The following PIK3R6 variants were observed in gnomAD, a reference collection of about 807,000 sequenced individuals.
The protein encoded by PIK3R6 is phosphoinositide 3-kinase regulatory subunit 6.
In PIK3R6, 91 loss-of-function variants were observed where a neutral mutation model predicts 84.9. The ratio of observed to expected loss-of-function variants is 1.07; its 90% CI spans 0.90 to 1.28. PIK3R6 has a LOEUF of 1.28. Among genes scored for constraint, PIK3R6 ranks in the 50% most tolerant of loss-of-function variants. The pLI is 0.00. For synonymous variants in PIK3R6, 416 were observed against 411.4 expected (o/e 1.01, Z -0.13); for missense variants, 996 against 985.1 (o/e 1.01, Z -0.15).
intron 13 of PIK3R6, 59 bp downstream of exon 13, chr17:8,827,113 T>G (rs2087943907): frequency 6.3e-7 from 1 of 1,579,278 alleles, no homozygotes; most frequent in Admixed American, 1.7e-5. Context: ...CGTTCTCCCC[T>G]CTGCCCAGAC....
intron 1 of PIK3R6, among the ~76,000 whole-genome samples, chr17:8,861,368 C>T (rs979028639): frequency 2.0e-5 from 3 of 152,200 alleles, no homozygotes; most frequent in Admixed American, 1.3e-4. Context: ...CTCTGTACTT[C>T]TCCCTAGCAC....
chr17:8,843,423 C>T (rs1165344126), intron 2 of PIK3R6, among the ~76,000 whole-genome samples: 1 of 152,116 alleles, frequency 6.6e-6, no homozygotes, highest in African/African-American at 2.4e-5. Context: ...ATCAGAAGCA[C>T]AGCCAAGCCT....
In PIK3R6 at chr17:8,827,742, GGAGAGAGAGAGAGAGAGAGAGGA is replaced by G. The variant is rs1237461633; in HGVS notation, c.1392+347_1392+369del. Among the ~76,000 whole-genome samples, 744 of 90,904 alleles carry G rather than the reference GGAGAGAGAGAGAGAGAGAGAGGA, an allele frequency of 8.2e-3. 14 individuals are homozygous for G. Among genetic ancestry groups the G allele is most frequent in the Middle Eastern group, 0.014 (2 of 142 alleles). 59.6% of individuals were successfully genotyped at this position (90,904 alleles called of 152,430 possible). A position where few individuals can be genotyped will look rare whatever the true frequency, so the allele number is the denominator to read the frequency against. On this transcript the variant is annotated intron_variant, in intron 12 of 19. Coordinates refer to ENST00000619866, the MANE Select transcript of PIK3R6 (RefSeq NM_001010855.4). ...TGTGTATGAGAGAGGGGAGGGAAGG[GGAGAGAGAGAGAGAGAGAGAGGA>G]GAGAGAGAGAGAGAGAGAGAGAGAG...
At chr17:8,825,430 G>C (rs975641051) in intron 13 of PIK3R6, among the ~76,000 whole-genome samples, 1 of 152,114 alleles carries the variant, frequency 6.6e-6, no homozygotes, top group Non-Finnish European at 1.5e-5. Context: ...ATATCAAAAG[G>C]CTAATTTGTA....
chr17:8,814,367 G>GCGC (rs1044669576), intron 18 of PIK3R6, among the ~76,000 whole-genome samples: 1 of 151,756 alleles, frequency 6.6e-6, no homozygotes, highest in African/African-American at 2.4e-5. Context: ...TTACAGGCAT[G>GCGC]CACCACCATG....
intron 14 of PIK3R6, 22 bp from the exon 15 acceptor site, chr17:8,823,108 G>A (rs1301498238): frequency 6.6e-7 from 1 of 1,521,616 alleles, no homozygotes; most frequent in Non-Finnish European, 9.1e-7. Flanking sequence ...AAGGGAGGGT[G>A]GCATTTCCTG....
At chr17:8,841,897 G>A (rs932964035) in intron 2 of PIK3R6, among the ~76,000 whole-genome samples, 1 of 152,140 alleles carries the variant, frequency 6.6e-6, no homozygotes, top group Admixed American at 6.5e-5. Flanking sequence ...CCCAGTGTTG[G>A]ACGTGGGGCC....
At chr17:8,834,511 G>A (rs1353482840) in intron 8 of PIK3R6, among the ~76,000 whole-genome samples, 2 of 151,756 alleles carry the variant, frequency 1.3e-5, no homozygotes, top group East Asian at 2.0e-4. Flanking sequence ...CTTGTCTTCC[G>A]AGTAGCTGGG....
At chr17:8,823,575 C>G in intron 13 of PIK3R6, 78 bp from the exon 14 acceptor site, 2 of 967,552 alleles carry the variant, frequency 2.1e-6, no homozygotes, top group Admixed American at 4.0e-5. Flanking sequence ...CAGAGAGAAA[C>G]TTCAAGCCCC....
rs1212193600 is a variant in PIK3R6, at chr17:8,842,005, G to A, written c.14-2308C>T. ...ATTCTATTTGTTCCCCTGAGAACTG[G>A]TTGTTAAAAAGAGCCCGGCACCTTC... On this transcript the variant is annotated intron_variant, in intron 2 of 19. Transcript: ENST00000619866. This position sits in a 1 kb window ranked among gnomAD's most constrained non-coding sequence, Gnocchi z 4.5. Among the ~76,000 whole-genome samples the A allele has an allele frequency of 2.6e-5, 4 of 152,062 alleles. No individual in the cohort carries two copies. Among genetic ancestry groups the A allele is most frequent in the African/African-American group, 9.7e-5 (4 of 41,396 alleles).
rs983758263 is a variant in PIK3R6, at chr17:8,839,877, C to G, written c.14-180G>C. 6.6e-6 allele frequency among the ~76,000 whole-genome samples: 1 copy of G among 152,202 alleles called. No homozygotes were observed. Among genetic ancestry groups the G allele is most frequent in the Non-Finnish European group, 1.5e-5 (1 of 68,040 alleles). ...GGCTGGAATATAGCCTTCCCTTCCA[C>G]GTTTCTGTGTTCTTTGTAAAACCTG... On this transcript the variant is annotated intron_variant, in intron 2 of 19. Coordinates refer to ENST00000619866, the MANE Select transcript of PIK3R6 (RefSeq NM_001010855.4). The surrounding 1 kb of genome is among the most constrained non-coding windows in gnomAD (Gnocchi z 4.2).
chr17:8,812,377 C>G (rs374220532), intron 18 of PIK3R6, among the ~76,000 whole-genome samples: 1 of 152,308 alleles, frequency 6.6e-6, no homozygotes, highest in East Asian at 1.9e-4. Flanking sequence ...AAACTCTGGA[C>G]TTAAATTGGC....
chr17:8,836,075 G>A (rs1020571429), intron 7 of PIK3R6, among the ~76,000 whole-genome samples: 1 of 152,182 alleles, frequency 6.6e-6, no homozygotes, highest in Non-Finnish European at 1.5e-5. Flanking sequence ...TCCCCAACAC[G>A]AGCAGGGGAC....
intron 2 of PIK3R6, among the ~76,000 whole-genome samples, chr17:8,843,060 G>C: frequency 6.6e-6 from 1 of 152,190 alleles, no homozygotes; most frequent in African/African-American, 2.4e-5. Context: ...CAGGCTGAGA[G>C]TGGACAGGAT....
chr17:8,829,547 G>T (rs1299046113), intron 10 of PIK3R6, among the ~76,000 whole-genome samples, 159 bp downstream of exon 10: 2 of 119,996 alleles, frequency 1.7e-5, no homozygotes, highest in South Asian at 2.7e-4. Context: ...CATGCACACA[G>T]ACACACACTC....
intron 1 of PIK3R6, among the ~76,000 whole-genome samples, chr17:8,850,923 G>A (rs1038324404): frequency 6.6e-6 from 1 of 152,166 alleles, no homozygotes; most frequent in Non-Finnish European, 1.5e-5. Context: ...AACCAGTGAG[G>A]AAATAGAGAC....
At chr17:8,838,686 A>C (rs1422963724) in intron 3 of PIK3R6, 31 bp from the exon 4 acceptor site, 1 of 1,557,216 alleles carries the variant, frequency 6.4e-7, no homozygotes, top group Non-Finnish European at 8.7e-7. Context: ...GCCCGGCATG[A>C]GCAGGTGGGC....
At chr17:8,833,623 C>G (rs2088340395) in intron 8 of PIK3R6, among the ~76,000 whole-genome samples, 1 of 148,906 alleles carries the variant, frequency 6.7e-6, no homozygotes, top group African/African-American at 2.5e-5. Flanking sequence ...CTCATTGCAA[C>G]CTCTGCCTCC....
chr17:8,859,301 C>T lies in PIK3R6; in HGVS notation c.-92+8228G>A, dbSNP rs1395514095. On this transcript the variant is annotated intron_variant, in intron 1 of 19. Transcript: ENST00000619866. The stretch of plus-strand genomic sequence containing the variant: ...GAATGAATGAGACATAGTCCTTGCC[C>T]CCTGGGGTGCGTGGTCTACCAGTCT... Among the ~76,000 whole-genome samples the T allele has an allele frequency of 0.035, 4 of 114 alleles. No homozygotes were observed. In the East Asian group the frequency reaches 0.4, roughly 11 times the overall value. The allele number at this position is 114 out of a possible 152,430, so 0.1% of individuals were successfully genotyped here.
Sources: allele counts gnomAD v4.1 joint callset (sites outside exome capture counted in the v4.1 genomes callset), GRCh38; gene constraint gnomAD v4.1.1; non-coding constraint Gnocchi (gnomAD v3.1); transcripts MANE v1.5; gene names NCBI Gene and HGNC (gene_info 2026-07-23, HGNC 2026-07-21).